Variants in THSD7B observed in about 807,000 individuals in gnomAD.
THSD7B encodes thrombospondin type-1 domain-containing protein 7B.
In THSD7B, 138 loss-of-function variants were observed where a neutral mutation model predicts 213.6. The observed-to-expected ratio is 0.65, with a 90% CI of 0.56 to 0.74. The LOEUF (loss-of-function observed/expected upper bound fraction) is 0.74, where lower values mean the gene tolerates loss of function less well. Ranked by LOEUF, THSD7B falls within the 30% of genes least tolerant of loss-of-function variation. The pLI is 0.00. For synonymous variants in THSD7B, 742 were observed against 687.0 expected, an observed-to-expected ratio of 1.08 and a Z score of -1.25; for missense variants, 1,931 against 1,991.5, an observed-to-expected ratio of 0.97 and a Z score of 0.58.
chr2:137,112,444 G>A (rs1201769095), intron 4 of THSD7B, among the ~76,000 whole-genome samples: 1 of 151,482 alleles, frequency 6.6e-6, no homozygotes, highest in East Asian at 1.9e-4. Flanking sequence ...GGTGTTTTTG[G>A]TTAATGAGCT....
rs563496915 is a variant in THSD7B, at chr2:136,921,156, C to T, written c.139+38839C>T. ...CGCAGGCCTGGCTGTGCCTCCCCTG[C>T]TGCAGCCAGTGTCCTTACAGCAGCC... is the stretch of plus-strand genomic sequence containing the variant. On this transcript the variant is annotated intron_variant, in intron 2 of 27. Transcript: ENST00000409968. Among the ~76,000 whole-genome samples, 15 of 150,194 alleles carry T rather than the reference C, an allele frequency of 1.0e-4. No homozygotes were observed. The South Asian group carries it at 3.2e-3, about 32-fold the overall frequency.
intron 14 of THSD7B, among the ~76,000 whole-genome samples, chr2:137,421,214 T>TC (rs1405423959): frequency 6.6e-6 from 1 of 152,064 alleles, no homozygotes; most frequent in African/African-American, 2.4e-5. Context: ...TGGGAGTTTT[T>TC]CCCCCACACA....
At chr2:137,442,989 G>C (rs1010309847) in intron 14 of THSD7B, among the ~76,000 whole-genome samples, 1 of 152,096 alleles carries the variant, frequency 6.6e-6, no homozygotes, top group African/African-American at 2.4e-5. Context: ...TTTGTTATGT[G>C]ATTAAAGCAT....
intron 2 of THSD7B, among the ~76,000 whole-genome samples, chr2:136,994,834 T>C (rs893077538): frequency 2.6e-5 from 4 of 152,190 alleles, no homozygotes; most frequent in Non-Finnish European, 5.9e-5. Flanking sequence ...ACATAAACTT[T>C]TCTAAGTAGT....
chr2:137,347,678 C>T (rs990700306), intron 12 of THSD7B, among the ~76,000 whole-genome samples: 7 of 150,544 alleles, frequency 4.6e-5, no homozygotes, highest in African/African-American at 1.7e-4. Context: ...GGGCGGATCT[C>T]GTTATCACAT....
At chr2:137,482,731 A>G (rs1043565942) in intron 15 of THSD7B, among the ~76,000 whole-genome samples, 2 of 150,370 alleles carry the variant, frequency 1.3e-5, no homozygotes, top group African/African-American at 4.9e-5. Context: ...TATTGTTAGT[A>G]TTGCTTTTCC....
At chr2:137,369,664 C>T (rs542385611) in intron 12 of THSD7B, among the ~76,000 whole-genome samples, 26 of 152,234 alleles carry the variant, frequency 1.7e-4, no homozygotes, top group African/African-American at 6.0e-4. Flanking sequence ...TTTTGTAGGC[C>T]CTGGTGTTTC....
chr2:136,809,115 A>G (rs1324986314), intron 1 of THSD7B, among the ~76,000 whole-genome samples: 5 of 152,180 alleles, frequency 3.3e-5, no homozygotes, highest in Admixed American at 6.5e-5. Flanking sequence ...TCATATAAAC[A>G]TATAATATAA....
intron 3 of THSD7B, among the ~76,000 whole-genome samples, chr2:137,070,032 A>G (rs554666910): frequency 8.6e-5 from 13 of 151,750 alleles, no homozygotes; most frequent in African/African-American, 2.9e-4. Context: ...ATTTTTGTAC[A>G]TATTGAACAT....
intron 3 of THSD7B, among the ~76,000 whole-genome samples, chr2:137,091,542 T>TTCAC (rs1444406502): frequency 1.3e-5 from 2 of 152,154 alleles, no homozygotes; most frequent in Non-Finnish European, 2.9e-5. Flanking sequence ...CATTCATTCA[T>TTCAC]TCACTCACTT....
At chr2:137,339,865 A>G (rs1684720876) in intron 12 of THSD7B, among the ~76,000 whole-genome samples, 1 of 151,784 alleles carries the variant, frequency 6.6e-6, no homozygotes, top group East Asian at 1.9e-4. Flanking sequence ...GGAAAGAGGG[A>G]AAAGAATGGC....
chr2:137,644,340 C>G (rs1446677743), intron 21 of THSD7B, among the ~76,000 whole-genome samples: 3 of 152,156 alleles, frequency 2.0e-5, no homozygotes, highest in Non-Finnish European at 4.4e-5. Flanking sequence ...CAAACAGTGC[C>G]AATCAGCATT....
chr2:137,121,834 A>C (rs77568369), intron 5 of THSD7B, among the ~76,000 whole-genome samples: 4,808 of 152,278 alleles, frequency 0.032, 120 homozygotes, highest in Admixed American at 0.06. Context: ...GTTTGATTGA[A>C]TTCTCTTTGT....
chr2:137,189,634 T>C (rs928145933), intron 7 of THSD7B, among the ~76,000 whole-genome samples: 1 of 151,922 alleles, frequency 6.6e-6, no homozygotes, highest in African/African-American at 2.4e-5. Context: ...ACTGACTTTC[T>C]GGTCACTTCG....
rs1391321447 is a variant in THSD7B, at chr2:137,271,465, A to G, written c.2267-1068A>G. ...TATAATATATAATATAATATATAAT[A>G]TAATATATAATATAAAATCATATAT... On this transcript the variant is annotated intron_variant, in intron 10 of 27. Transcript: ENST00000409968. Among the ~76,000 whole-genome samples the G allele has an allele frequency of 5.4e-4, 75 of 139,208 alleles. 3 individuals are homozygous for G. Among genetic ancestry groups the G allele is most frequent in the African/African-American group, 1.4e-3 (50 of 36,392 alleles). The allele number at this position is 139,208 out of a possible 152,430, so 91.3% of individuals were successfully genotyped here.
At chr2:137,651,990 A>G (rs1338938787) in intron 21 of THSD7B, among the ~76,000 whole-genome samples, 1 of 152,020 alleles carries the variant, frequency 6.6e-6, no homozygotes, top group African/African-American at 2.4e-5. Flanking sequence ...TATTCTGAAG[A>G]ATGTCCTATG....
intron 10 of THSD7B, among the ~76,000 whole-genome samples, chr2:137,259,384 G>A (rs771850464): frequency 2.6e-5 from 4 of 152,214 alleles, no homozygotes; most frequent in Non-Finnish European, 5.9e-5. Context: ...CATTCTGACT[G>A]GCATGAGGTG....
At chr2:136,963,000 T>C (rs766907659) in intron 2 of THSD7B, among the ~76,000 whole-genome samples, 5 of 152,136 alleles carry the variant, frequency 3.3e-5, no homozygotes, top group Non-Finnish European at 4.4e-5. Flanking sequence ...CTAAATGAAA[T>C]GGCAAATGGG....
intron 6 of THSD7B, among the ~76,000 whole-genome samples, chr2:137,162,999 T>A (rs1680048630): frequency 6.6e-6 from 1 of 152,136 alleles, no homozygotes; most frequent in Non-Finnish European, 1.5e-5. Context: ...GTGTTGTGTT[T>A]TTTTGTCACT....
Sources: gnomAD v4.1 joint callset for allele counts (sites outside exome capture counted in the v4.1 genomes callset) on GRCh38, gnomAD v4.1.1 for gene constraint, MANE v1.5 for transcripts, NCBI Gene and HGNC (gene_info 2026-07-23, HGNC 2026-07-21) for gene names.